The following PPP1R12B variants were observed in gnomAD, a reference collection of about 807,000 sequenced individuals.
PPP1R12B encodes myosin phosphatase target subunit 2.
Under a neutral mutation model 126.1 loss-of-function variants are expected in PPP1R12B, and 76 were observed. The ratio of observed to expected loss-of-function variants is 0.60; its 90% CI spans 0.50 to 0.73. PPP1R12B has a LOEUF of 0.73. Ranked by LOEUF, PPP1R12B falls within the 30% of genes least tolerant of loss-of-function variation. The pLI, the probability that PPP1R12B is intolerant of heterozygous loss-of-function variation, is 0.00. For synonymous variants in PPP1R12B, 356 were observed against 434.7 expected (o/e 0.82, Z 2.25); for missense variants, 1,052 against 1,205.1 (o/e 0.87, Z 1.88).
rs1558408588 is a variant in PPP1R12B at position 202,586,462 on chromosome 1, A to G, written c.*5902A>G. On this transcript the variant is annotated 3_prime_UTR_variant, in exon 24 of 24. Coordinates refer to ENST00000608999, the MANE Select transcript of PPP1R12B (RefSeq NM_002481.4). The stretch of plus-strand genomic sequence containing the variant: ...GACTTCATCCCTCAGGCTCCAGCTG[A>G]GCAGAGATTTTAATCAGCTTCCTTA... 1 of 152,262 alleles carries G rather than the reference A, an allele frequency of 6.6e-6. No individual in the cohort carries two copies. The highest frequency in any genetic ancestry group is 1.9e-4 in the East Asian group (1 of 5,206). 9.4% of individuals were successfully genotyped at this position (152,262 alleles called of 1,614,324 possible). A position where few individuals can be genotyped will look rare whatever the true frequency, so the allele number is the denominator to read the frequency against.
At chr1:202,381,291 A>T (rs769564397) in intron 1 of PPP1R12B, among the ~76,000 whole-genome samples, 14 of 152,182 alleles carry the variant, frequency 9.2e-5, no homozygotes, top group Non-Finnish European at 1.0e-4. Flanking sequence ...AGAAAAAGGA[A>T]GAAAAGGGAA....
intron 13 of PPP1R12B, among the ~76,000 whole-genome samples, chr1:202,475,558 GT>G (rs1676524127): frequency 6.6e-6 from 1 of 152,174 alleles, no homozygotes; most frequent in South Asian, 2.1e-4. Context: ...AGTGTTCATT[GT>G]GGTGCAATAT....
chr1:202,494,962 T>G (rs1283241092), intron 15 of PPP1R12B, among the ~76,000 whole-genome samples: 1 of 152,168 alleles, frequency 6.6e-6, no homozygotes, highest in Non-Finnish European at 1.5e-5. Context: ...GCCATCATTC[T>G]TATTTTCATT....
chr1:202,433,854 T>C (rs1176152084), intron 8 of PPP1R12B, among the ~76,000 whole-genome samples: 1 of 152,236 alleles, frequency 6.6e-6, no homozygotes, highest in African/African-American at 2.4e-5. Flanking sequence ...GCTGTAGCAC[T>C]CATCATTTTG....
chr1:202,370,387 G>T (rs1483452883), intron 1 of PPP1R12B, among the ~76,000 whole-genome samples: 1 of 152,026 alleles, frequency 6.6e-6, no homozygotes, highest in African/African-American at 2.4e-5. Flanking sequence ...TTATTCTTCT[G>T]ATTATTGACA....
chr1:202,422,600 C>T lies in PPP1R12B; in HGVS notation c.423-20C>T, dbSNP rs1668944771. On this transcript the variant is annotated intron_variant, in intron 2 of 23. Transcript: ENST00000608999. Reference sequence around the variant, plus strand: ...TATTAGATTGACAGATAATATTGATCCTGGATCTTGTCTACGCAGGTATTT... The same window carrying T: ...TATTAGATTGACAGATAATATTGATTCTGGATCTTGTCTACGCAGGTATTT... 1 of 1,607,346 alleles carries T rather than the reference C, an allele frequency of 6.2e-7. No homozygotes were observed. Among genetic ancestry groups the T allele is most frequent in the African/African-American group, 1.3e-5 (1 of 74,756 alleles).
chr1:202,571,637 G>T (rs1207681371), intron 23 of PPP1R12B, among the ~76,000 whole-genome samples: 1 of 152,174 alleles, frequency 6.6e-6, no homozygotes, highest in Non-Finnish European at 1.5e-5. Flanking sequence ...TGTATTTTTA[G>T]TAGAGACAGG....
At chr1:202,555,075 G>A (rs1045695008) in intron 18 of PPP1R12B, among the ~76,000 whole-genome samples, 1 of 151,784 alleles carries the variant, frequency 6.6e-6, no homozygotes, top group Non-Finnish European at 1.5e-5. Flanking sequence ...CCTATTTTTT[G>A]TGTTTTTCAA....
intron 1 of PPP1R12B, among the ~76,000 whole-genome samples, chr1:202,377,885 G>T (rs1279504451): frequency 2.2e-5 from 3 of 134,034 alleles, no homozygotes; most frequent in Non-Finnish European, 4.6e-5. Flanking sequence ...TGTTGCCCAG[G>T]CTGGAGTGCA....
At chr1:202,487,134 A>G (rs574675267) in intron 13 of PPP1R12B, among the ~76,000 whole-genome samples, 65 of 152,210 alleles carry the variant, frequency 4.3e-4, no homozygotes, top group African/African-American at 1.5e-3. Context: ...TTGCTTTATC[A>G]TTCAAAAATT....
At position 202,390,064 on chromosome 1, in the gene PPP1R12B, C is replaced by G. The variant is rs1663887397; in HGVS notation, c.292-26723C>G. On this transcript the variant is annotated intron_variant, in intron 1 of 23. Transcript: ENST00000608999. ...TACTACAAAGCAATGGTAACCAAGACAGTGTGGTATCAGCACAAAGGTAGA... is the reference window on the plus strand; with the variant it reads ...TACTACAAAGCAATGGTAACCAAGAGAGTGTGGTATCAGCACAAAGGTAGA... Among the ~76,000 whole-genome samples the G allele has an allele frequency of 2.0e-5, 3 of 152,190 alleles. No homozygotes were observed. The East Asian group carries it at 5.8e-4, about 29-fold the overall frequency.
chr1:202,349,299 C>T (rs1309962472), intron 1 of PPP1R12B, among the ~76,000 whole-genome samples, 157 bp downstream of exon 1: 2 of 152,194 alleles, frequency 1.3e-5, no homozygotes, highest in African/African-American at 4.8e-5. Context: ...CCAGCTTCCT[C>T]CACTAATCAA....
At chr1:202,466,916 G>T (rs1420564264) in intron 13 of PPP1R12B, among the ~76,000 whole-genome samples, 1 of 151,868 alleles carries the variant, frequency 6.6e-6, no homozygotes, top group African/African-American at 2.4e-5. Context: ...ACCCAACTGA[G>T]AACTTGGAAA....
In PPP1R12B at chr1:202,348,729, G is replaced by C; in HGVS notation, c.-123G>C. ...TACTGGCGGGAGGAGTAAAGATGGC[G>C]GCGCGAGGGTCTCCGCCCTCTGCTC... On this transcript the variant is annotated 5_prime_UTR_variant, in exon 1 of 24. Coordinates refer to ENST00000608999, the MANE Select transcript of PPP1R12B (RefSeq NM_002481.4). The C allele has an allele frequency of 7.8e-7, 1 of 1,280,512 alleles. No homozygotes were observed. The highest frequency in any genetic ancestry group is 1.1e-6 in the Non-Finnish European group (1 of 949,666). The allele number at this position is 1,280,512 out of a possible 1,614,324, so 79.3% of individuals were successfully genotyped here.
rs763722248 is a variant in PPP1R12B at position 202,427,082 on chromosome 1, T to C, written c.744T>C (p.Tyr248=). The change falls in exon 5 of 24, where the codon TAT becomes TAC. Residue 248 remains tyrosine (Y), a synonymous_variant. Coordinates refer to ENST00000608999, the MANE Select transcript of PPP1R12B (RefSeq NM_002481.4). The stretch of plus-strand genomic sequence containing the variant: ...GCTATGAACTCAATGTTCAGGATTA[T>C]GATGGCTGGACTCCCCTCCATGCTG... ...QAGYELNVQD[Y]DGWTPLHAAA... is the part of the protein sequence containing the mutation. 6.2e-7 allele frequency: 1 copy of C among 1,614,024 alleles called. No individual in the cohort carries two copies. The highest frequency in any genetic ancestry group is 1.3e-5 in the African/African-American group (1 of 74,948).
chr1:202,373,113 T>A (rs540494835), intron 1 of PPP1R12B, among the ~76,000 whole-genome samples: 1 of 152,130 alleles, frequency 6.6e-6, no homozygotes, highest in Non-Finnish European at 1.5e-5. Flanking sequence ...TTTTTGTATT[T>A]TTGGTAGAGA....
At chr1:202,512,105 G>A (rs1209994848) in intron 18 of PPP1R12B, among the ~76,000 whole-genome samples, 6 of 152,170 alleles carry the variant, frequency 3.9e-5, no homozygotes, top group Non-Finnish European at 5.9e-5. Context: ...AATTAAAGCA[G>A]AAAAGAAGTC....
intron 1 of PPP1R12B, among the ~76,000 whole-genome samples, chr1:202,353,608 G>GTT (rs1656459645): frequency 7.3e-6 from 1 of 136,734 alleles, no homozygotes; most frequent in Non-Finnish European, 1.6e-5. Context: ...GTGTGTGTGT[G>GTT]TGTGTGTGTG....
At chr1:202,492,893 A>G (rs192359047) in intron 14 of PPP1R12B, among the ~76,000 whole-genome samples, 16 of 152,296 alleles carry the variant, frequency 1.1e-4, no homozygotes, top group African/African-American at 3.1e-4. Context: ...AGAAAAACTA[A>G]AGTATTACAT....
Sources: allele counts gnomAD v4.1 joint callset (sites outside exome capture counted in the v4.1 genomes callset), GRCh38; gene constraint gnomAD v4.1.1; transcripts MANE v1.5; gene names NCBI Gene and HGNC (gene_info 2026-07-23, HGNC 2026-07-21).